Variants in RNF125 observed in about 807,000 individuals in gnomAD.
RNF125 encodes the protein E3 ubiquitin-protein ligase RNF125.
RNF125 carries 21 observed loss-of-function variants against 26.0 expected under a neutral mutation model. The observed-to-expected ratio is 0.81, with a 90% CI of 0.57 to 1.16. The LOEUF (loss-of-function observed/expected upper bound fraction) is 1.16. RNF125 is among the 50% of genes most tolerant of loss of function. The pLI is 0.00. For synonymous variants in RNF125, 95 were observed against 109.2 expected (o/e 0.87, Z 0.81); for missense variants, 270 against 299.4 (o/e 0.90, Z 0.72).
Position 32,070,410 on chromosome 18 carries a change from A to T in RNF125, c.*2026A>T, listed in dbSNP as rs1318741469. 1.3e-5 allele frequency: 2 copies of T among 152,168 alleles called. No individual in the cohort carries two copies. The highest frequency in any genetic ancestry group is 2.9e-5 in the Non-Finnish European group (2 of 68,094). The allele number at this position is 152,168 out of a possible 1,614,324, so 9.4% of individuals were successfully genotyped here. On this transcript the variant is annotated 3_prime_UTR_variant, in exon 6 of 6. Coordinates refer to ENST00000217740, the MANE Select transcript of RNF125 (RefSeq NM_017831.4). ...CTGGTCTCAAACTCCTTACCTTGTG[A>T]TCCGCCCACCTCAGCCTTCCAAAGT...
At chr18:32,087,220 T>C in the RNF125 span, among the ~76,000 whole-genome samples, 1 of 151,896 alleles carries the variant, frequency 6.6e-6, no homozygotes, top group Admixed American at 6.5e-5. Flanking sequence ...CAGCTTCAAG[T>C]TGCGGTTCCC....
At chr18:32,028,755 T>C (rs1439002861) in intron 1 of RNF125, among the ~76,000 whole-genome samples, 1 of 152,010 alleles carries the variant, frequency 6.6e-6, no homozygotes, top group Non-Finnish European at 1.5e-5. Context: ...GGTTTTGCTA[T>C]GTTGGCCAGA....
intron 1 of RNF125, among the ~76,000 whole-genome samples, chr18:32,036,182 AAG>A (rs2039152229): frequency 6.6e-6 from 1 of 151,582 alleles, no homozygotes; most frequent in South Asian, 2.1e-4. Context: ...AGAAGGAAAC[AAG>A]AGGGGAAATT....
intron 1 of RNF125, among the ~76,000 whole-genome samples, chr18:32,026,610 C>T (rs1305929789): frequency 1.3e-5 from 2 of 152,028 alleles, no homozygotes; most frequent in Admixed American, 6.6e-5. Context: ...TTTCCCCAGA[C>T]CCTCCCAGCA....
At chr18:32,045,557 G>C in intron 3 of RNF125, 85 bp from the exon 4 acceptor site, 2 of 812,844 alleles carry the variant, frequency 2.5e-6, no homozygotes, top group Non-Finnish European at 3.9e-6. Flanking sequence ...CAAGACTCTT[G>C]TCTCAAAAAA....
chr18:32,020,319 A>T (rs2038975020), intron 1 of RNF125, among the ~76,000 whole-genome samples: 2 of 151,754 alleles, frequency 1.3e-5, no homozygotes, highest in Admixed American at 1.3e-4. Context: ...AAGTGCTGGG[A>T]TTAAAGGTGT....
At chr18:32,019,072 C>T (rs1405162389) in intron 1 of RNF125, 45 bp downstream of exon 1, 1 of 1,594,842 alleles carries the variant, frequency 6.3e-7, no homozygotes, top group East Asian at 2.3e-5. Context: ...CTAAGGAGGG[C>T]GATGTGGGGA....
At chr18:32,031,034 A>G (rs1303176104) in intron 1 of RNF125, 1 of 152,136 alleles carries the variant, frequency 6.6e-6, no homozygotes, top group Non-Finnish European at 1.5e-5. Context: ...CATTCATCAC[A>G]GTGGAGCCCT....
At chr18:32,027,969 A>G (rs2039053256) in intron 1 of RNF125, among the ~76,000 whole-genome samples, 1 of 152,074 alleles carries the variant, frequency 6.6e-6, no homozygotes, top group Admixed American at 6.6e-5. Context: ...CTTGTTATAC[A>G]GATGAAACTT....
intron 5 of RNF125, 90 bp from the exon 6 acceptor site, chr18:32,068,208 A>G (rs1443980874): frequency 1.6e-5 from 11 of 689,836 alleles, no homozygotes; most frequent in Non-Finnish European, 2.5e-5. Flanking sequence ...TTAGTTCCCT[A>G]CAAAATGAGG....
At chr18:32,026,067 T>G (rs1271851686) in intron 1 of RNF125, among the ~76,000 whole-genome samples, 2 of 33,352 alleles carry the variant, frequency 6.0e-5, no homozygotes, top group African/African-American at 1.7e-4. Context: ...TAAAAAAAAC[T>G]TTTTTTTTTT....
Position 32,055,864 on chromosome 18 carries a change from A to G in RNF125, c.505-10038A>G, listed in dbSNP as rs1007838859. Among the ~76,000 whole-genome samples the G allele has an allele frequency of 2.0e-5, 3 of 151,036 alleles. No individual in the cohort carries two copies. The South Asian group carries it at 6.3e-4, about 32-fold the overall frequency. On this transcript the variant is annotated intron_variant, in intron 4 of 5. Coordinates refer to ENST00000217740, the MANE Select transcript of RNF125 (RefSeq NM_017831.4). Reference sequence around the variant, plus strand: ...TGTGGTGGCGCATGCCTGTAATCCCAGCTTCTCGGGAGGCTGAGGCAGGAG... The same window carrying G: ...TGTGGTGGCGCATGCCTGTAATCCCGGCTTCTCGGGAGGCTGAGGCAGGAG...
the RNF125 span, among the ~76,000 whole-genome samples, chr18:32,082,049 G>T: frequency 6.6e-6 from 1 of 152,218 alleles, no homozygotes; most frequent in African/African-American, 2.4e-5. Context: ...GGCAACCGGA[G>T]TGGGAAGGAA....
At chr18:32,032,553 A>G (rs1476212068) in intron 1 of RNF125, among the ~76,000 whole-genome samples, 13 of 151,978 alleles carry the variant, frequency 8.6e-5, no homozygotes, top group Admixed American at 8.5e-4. Flanking sequence ...CCCCAAGCCA[A>G]ACTTTATCCA....
At position 32,034,740 on chromosome 18, in the gene RNF125, C is replaced by G. The variant is rs116621878; in HGVS notation, c.165-2376C>G. ...CCAGCCTGGCCAACATGGCGAAACA[C>G]AGTCGCTACTAGAAGTAAAAAAAAA... On this transcript the variant is annotated intron_variant, in intron 1 of 5. Transcript: ENST00000217740. Among the ~76,000 whole-genome samples, 1,206 of 151,664 alleles carry G rather than the reference C, an allele frequency of 8.0e-3. 18 individuals are homozygous for G. Among genetic ancestry groups the G allele is most frequent in the African/African-American group, 0.028 (1,143 of 41,424 alleles).
chr18:32,064,220 TCC>T (rs2039461083), intron 4 of RNF125, among the ~76,000 whole-genome samples: 1 of 151,570 alleles, frequency 6.6e-6, no homozygotes, highest in South Asian at 2.1e-4. Context: ...GGTCATGAAC[TCC>T]TACCTCAAGT....
intron 1 of RNF125, among the ~76,000 whole-genome samples, chr18:32,030,003 C>T (rs1257420069): frequency 1.3e-5 from 2 of 152,146 alleles, no homozygotes; most frequent in African/African-American, 4.8e-5. Flanking sequence ...GATACAACTG[C>T]TCTAAGTCAT....
At chr18:32,025,757 T>C (rs939080122) in intron 1 of RNF125, among the ~76,000 whole-genome samples, 2 of 151,474 alleles carry the variant, frequency 1.3e-5, no homozygotes, top group African/African-American at 4.9e-5. Flanking sequence ...TGTGTGTGTG[T>C]TCCTCAAGGG....
rs567954628 is a variant in RNF125, at chr18:32,061,235, A to G, written c.505-4667A>G. ...GAGACAGGGTTTCACCGTGTTAGCC[A>G]GGATGGTGTCGATCTCCTGACCTCA... On this transcript the variant is annotated intron_variant, in intron 4 of 5. Transcript: ENST00000217740. 3.3e-5 allele frequency among the ~76,000 whole-genome samples: 5 copies of G among 152,268 alleles called. No homozygotes were observed. The South Asian group carries it at 6.2e-4, about 19-fold the overall frequency.
Sources: allele counts gnomAD v4.1 joint callset (sites outside exome capture counted in the v4.1 genomes callset), GRCh38; gene constraint gnomAD v4.1.1; transcripts MANE v1.5; gene names NCBI Gene and HGNC (gene_info 2026-07-23, HGNC 2026-07-21).